Variants in ROBO2 observed in about 807,000 individuals in gnomAD.
The protein encoded by ROBO2 is roundabout homolog 2.
Under a neutral mutation model 160.8 loss-of-function variants are expected in ROBO2, and 53 were observed. The observed-to-expected ratio is 0.33, with a 90% confidence interval of 0.26 to 0.41. The LOEUF (loss-of-function observed/expected upper bound fraction) is 0.41. Among genes scored for constraint, ROBO2 ranks in the 10% least tolerant of loss-of-function variants. The probability of loss-of-function intolerance (pLI) is 1.00; values close to 1 mark genes in which losing one functional copy is unlikely to be tolerated. For missense variants in ROBO2, 1,577 were observed against 1,722.4 expected (o/e 0.92, Z 1.49); for synonymous variants, 664 against 611.7 (o/e 1.09, Z -1.26).
intron 2 of ROBO2, among the ~76,000 whole-genome samples, chr3:77,192,192 T>G (rs1186653588): frequency 6.6e-6 from 1 of 152,214 alleles, no homozygotes; most frequent in East Asian, 1.9e-4. Flanking sequence ...TGTCAATATA[T>G]TCTCAATGAT....
chr3:75,966,269 G>A (rs377268920), intron 2 of ROBO2, among the ~76,000 whole-genome samples: 1 of 150,508 alleles, frequency 6.6e-6, no homozygotes, highest in Non-Finnish European at 1.5e-5. Context: ...CCTAAATAAC[G>A]TTTTTTTTTA....
chr3:77,475,767 C>A (rs2083921473), intron 2 of ROBO2, among the ~76,000 whole-genome samples: 1 of 152,144 alleles, frequency 6.6e-6, no homozygotes, highest in Admixed American at 6.5e-5. Context: ...AAGAGGGAAC[C>A]ACGGTGTTAA....
At chr3:77,074,082 A>G (rs2067691660) in intron 1 of ROBO2, among the ~76,000 whole-genome samples, 1 of 152,254 alleles carries the variant, frequency 6.6e-6, no homozygotes, top group Non-Finnish European at 1.5e-5. Context: ...CATTTTCATT[A>G]AACAGGTGAT....
chr3:76,843,950 G>A (rs1241368120), intron 2 of ROBO2, among the ~76,000 whole-genome samples: 1 of 151,916 alleles, frequency 6.6e-6, no homozygotes, highest in Non-Finnish European at 1.5e-5. Flanking sequence ...TATCCTTTTA[G>A]GTGCAGAAAA....
At chr3:76,528,935 A>G (rs1005749132) in intron 2 of ROBO2, among the ~76,000 whole-genome samples, 7 of 152,108 alleles carry the variant, frequency 4.6e-5, no homozygotes, top group Non-Finnish European at 7.4e-5. Context: ...ACAGTCTCAT[A>G]TTCTGATAGG....
intron 2 of ROBO2, among the ~76,000 whole-genome samples, chr3:76,387,885 T>C (rs1455846768): frequency 3.3e-5 from 5 of 152,340 alleles, no homozygotes; most frequent in African/African-American, 7.2e-5. Context: ...CAATGAATTA[T>C]GGGTTTTACT....
intron 2 of ROBO2, among the ~76,000 whole-genome samples, chr3:76,803,257 C>G (rs2064366737): frequency 6.6e-6 from 1 of 152,044 alleles, no homozygotes. Context: ...ATTTAATGAA[C>G]TTGAACATAC....
chr3:76,253,267 G>GTTTATTTA (rs950621090), intron 2 of ROBO2, among the ~76,000 whole-genome samples: 7 of 151,730 alleles, frequency 4.6e-5, no homozygotes, highest in African/African-American at 1.7e-4. Context: ...AAAAAGTTAT[G>GTTTATTTA]TTTATTTATT....
At chr3:77,617,721 C>T in exon 22 of ROBO2, 1 of 1,613,940 alleles carries the variant, frequency 6.2e-7, no homozygotes, top group Non-Finnish European at 8.5e-7. Context: ...GCTGCAGGCT[C>T]ACCTGGATGA....
At chr3:77,184,544 G>T (rs2081103608) in intron 2 of ROBO2, among the ~76,000 whole-genome samples, 1 of 152,030 alleles carries the variant, frequency 6.6e-6, no homozygotes, top group African/African-American at 2.4e-5. Flanking sequence ...GTTGGTGATT[G>T]ATTTTAGCAT....
intron 2 of ROBO2, among the ~76,000 whole-genome samples, chr3:77,335,135 T>C (rs1315646190): frequency 6.6e-6 from 1 of 152,140 alleles, no homozygotes; most frequent in Non-Finnish European, 1.5e-5. Flanking sequence ...AAGACAAAGG[T>C]TAAGTTTGGG....
At position 76,965,785 on chromosome 3, in the gene ROBO2, G is replaced by GTGTATATATATA. The variant is rs1424338840; in HGVS notation, c.110-132228_110-132227insGTATATATATAT. ...CTATACCATTATTTATTGTGTTTGT[G>GTGTATATATATA]TATATATATATATATATATATATAT... On this transcript the variant is annotated intron_variant, in intron 2 of 26. Coordinates refer to the ROBO2 transcript ENST00000487694. Among the ~76,000 whole-genome samples, 338 of 129,180 alleles carry GTGTATATATATA rather than the reference G, an allele frequency of 2.6e-3. 4 individuals are homozygous for GTGTATATATATA. The highest frequency in any genetic ancestry group is 9.8e-3 in the African/African-American group (313 of 32,042). The allele number at this position is 129,180 out of a possible 152,430, so 84.7% of individuals were successfully genotyped here. A position where few individuals can be genotyped will look rare whatever the true frequency, so the allele number is the denominator to read the frequency against.
At chr3:76,383,071 G>T (rs2076714497) in intron 2 of ROBO2, among the ~76,000 whole-genome samples, 1 of 152,124 alleles carries the variant, frequency 6.6e-6, no homozygotes, top group South Asian at 2.1e-4. Context: ...TGAAAACATT[G>T]AACAATTTTT....
chr3:77,137,812 A>T lies in ROBO2; in HGVS notation c.388+39472A>T, dbSNP rs568018659. 1.2e-4 allele frequency among the ~76,000 whole-genome samples: 19 copies of T among 152,350 alleles called. No homozygotes were observed. The South Asian group carries it at 3.9e-3, about 32-fold the overall frequency. ...ACATTTTCTTCAATTTTATCTGCGT[A>T]AGCCTGAAACTTTATGCATTGAAAT... On this transcript the variant is annotated intron_variant, in intron 2 of 25. Coordinates refer to ENST00000461745, the Ensembl canonical transcript of ROBO2.
chr3:77,345,135 T>G (rs2153453973), intron 2 of ROBO2, among the ~76,000 whole-genome samples: 1 of 152,220 alleles, frequency 6.6e-6, no homozygotes, highest in African/African-American at 2.4e-5. Flanking sequence ...AAAACTACAG[T>G]TATCGAAACT....
intron 2 of ROBO2, among the ~76,000 whole-genome samples, chr3:76,054,503 A>G (rs564227433): frequency 7.4e-4 from 113 of 152,192 alleles, no homozygotes; most frequent in Non-Finnish European, 1.4e-3. Flanking sequence ...TATCCAGCCA[A>G]AAATACTTCT....
chr3:76,176,006 G>A (rs1208310938), intron 2 of ROBO2, among the ~76,000 whole-genome samples: 1 of 151,652 alleles, frequency 6.6e-6, no homozygotes, highest in Non-Finnish European at 1.5e-5. Flanking sequence ...AGTTCTTAGT[G>A]GCTGCCTCTG....
chr3:77,521,003 T>C (rs2153626914), intron 5 of ROBO2, among the ~76,000 whole-genome samples: 1 of 151,414 alleles, frequency 6.6e-6, no homozygotes, highest in South Asian at 2.1e-4. Context: ...TTTATATCAG[T>C]AGGAAACAAG....
At chr3:76,330,779 A>C in intron 2 of ROBO2, among the ~76,000 whole-genome samples, 1 of 151,088 alleles carries the variant, frequency 6.6e-6, no homozygotes, top group Non-Finnish European at 1.5e-5. Flanking sequence ...TCAGTGAAAA[A>C]GTAGTTTGGG....
Sources: gnomAD v4.1 joint callset for allele counts (sites outside exome capture counted in the v4.1 genomes callset) on GRCh38, gnomAD v4.1.1 for gene constraint, MANE v1.5 for transcripts, NCBI Gene and HGNC (gene_info 2026-07-23, HGNC 2026-07-21) for gene names.